The following DYRK1A variants were observed in gnomAD, a reference collection of about 807,000 sequenced individuals.
DYRK1A encodes the protein dual specificity tyrosine-phosphorylation-regulated kinase 1A.
A neutral mutation model predicts 79.7 loss-of-function variants in DYRK1A; 9 were observed. That is an observed-to-expected ratio of 0.11 (90% CI 0.07 to 0.20). The LOEUF is 0.20. DYRK1A is among the 10% of genes least tolerant of loss of function. The pLI, the probability that DYRK1A is intolerant of heterozygous loss-of-function variation, is 1.00. For synonymous variants in DYRK1A, 349 were observed against 329.7 expected (o/e 1.06, Z -0.63); for missense variants, 622 against 956.0 (o/e 0.65, Z 4.61).
rs2076059614 is a variant in DYRK1A, at chr21:37,367,155, G to C, written c.-550G>C. 2 of 152,290 alleles carry C rather than the reference G, an allele frequency of 1.3e-5. No individual in the cohort carries two copies. Among genetic ancestry groups the C allele is most frequent in the Admixed American group, 1.3e-4 (2 of 15,306 alleles). The allele number at this position is 152,290 out of a possible 1,614,324, so 9.4% of individuals were successfully genotyped here. A position where few individuals can be genotyped will look rare whatever the true frequency, so the allele number is the denominator to read the frequency against. On this transcript the variant is annotated 5_prime_UTR_variant, in exon 1 of 12. Transcript: ENST00000647188. ...GGTGTGTGCGAGTGTCTGTCTGTCT[G>C]TGCGGGGACTCGGGGGCGGGCGGTT...
rs984731875 is a variant in DYRK1A at position 37,517,479 on chromosome 21, A to G, written c.*4948A>G. On this transcript the variant is annotated 3_prime_UTR_variant, in exon 12 of 12. Coordinates refer to ENST00000647188, the MANE Select transcript of DYRK1A (RefSeq NM_001347721.2). ...TGGGAATTTTTTTCTTTATTCTTGT[A>G]AAGTTTTGCTTCCATTATATACTCA... 6.6e-6 allele frequency: 1 copy of G among 152,166 alleles called. No individual in the cohort carries two copies. The highest frequency in any genetic ancestry group is 1.9e-4 in the East Asian group (1 of 5,198). 9.4% of individuals were successfully genotyped at this position (152,166 alleles called of 1,614,324 possible).
intron 8 of DYRK1A, among the ~76,000 whole-genome samples, chr21:37,493,933 C>CTTTTTT (rs35158368): frequency 5.3e-5 from 6 of 114,220 alleles, no homozygotes; most frequent in African/African-American, 1.3e-4. Context: ...TTTAATTCTT[C>CTTTTTT]TTTTTTTTTT....
Position 37,505,465 on chromosome 21 carries a change from G to C in DYRK1A, c.1395G>C (p.Leu465=). 1 of 1,614,166 alleles carries C rather than the reference G, an allele frequency of 6.2e-7. No individual in the cohort carries two copies. The highest frequency in any genetic ancestry group is 2.2e-5 in the East Asian group (1 of 44,882). The change falls in exon 10 of 12, where the codon CTG becomes CTC. Residue 465 remains leucine, a synonymous_variant. Transcript: ENST00000647188. ...PKTRIQPYYA[L]QHSFFKKTAD... is the part of the protein sequence containing the mutation. ...CTCGAATTCAACCTTATTATGCTCT[G>C]CAGCACAGTTTCTTCAAGAAAACAG...
intron 11 of DYRK1A, among the ~76,000 whole-genome samples, chr21:37,507,103 C>T (rs141432729): frequency 1.3e-5 from 2 of 152,298 alleles, no homozygotes; most frequent in East Asian, 3.9e-4. Context: ...CCACTCTTTG[C>T]TTTGTAAGGA....
At chr21:37,454,093 T>TTTTTTTTTTTTTC in intron 2 of DYRK1A, among the ~76,000 whole-genome samples, 1 of 134,644 alleles carries the variant, frequency 7.4e-6, no homozygotes, top group Non-Finnish European at 1.6e-5. Context: ...TCCTTTTTTT[T>TTTTTTTTTTTTTC]TTTTTTTTTT....
intron 2 of DYRK1A, among the ~76,000 whole-genome samples, chr21:37,458,304 G>GTGTGTATGTGTA (rs1366699533): frequency 6.6e-6 from 1 of 150,672 alleles, no homozygotes; most frequent in Non-Finnish European, 1.5e-5. Flanking sequence ...GTGTGTGTGT[G>GTGTGTATGTGTA]TGTACATATA....
chr21:37,487,849 T>C (rs993660497), intron 6 of DYRK1A: 1 of 152,168 alleles, frequency 6.6e-6, no homozygotes, highest in African/African-American at 2.4e-5. Context: ...CTTAAAACCT[T>C]GTCACACACA....
intron 1 of DYRK1A, among the ~76,000 whole-genome samples, chr21:37,418,461 G>T (rs2050401197): frequency 6.6e-6 from 1 of 152,100 alleles, no homozygotes; most frequent in African/African-American, 2.4e-5. Context: ...GTCTTACAAA[G>T]AACTTTTGTG....
At chr21:37,487,263 A>C (rs746729739) in intron 6 of DYRK1A, 3 of 152,148 alleles carry the variant, frequency 2.0e-5, no homozygotes, top group Non-Finnish European at 4.4e-5. Context: ...CTCTGCAGCT[A>C]AGATTGGAAG....
intron 2 of DYRK1A, chr21:37,425,806 A>T (rs1367638903): frequency 6.6e-6 from 1 of 152,226 alleles, no homozygotes; most frequent in African/African-American, 2.4e-5. Context: ...GTGAATGTTG[A>T]TAGCAAGACC....
rs544474902 is a variant in DYRK1A, at chr21:37,492,716, G to GT, written c.925-291dup. 8.6e-4 allele frequency among the ~76,000 whole-genome samples: 128 copies of GT among 149,094 alleles called. 1 individual carries two copies. In the East Asian group the frequency reaches 0.017, roughly 20 times the overall value. ...AGGGAAATACATTGCTTTCAATAGT[G>GT]TTTTTTTTTTCCTAGTGAGGCATAA... is the stretch of plus-strand genomic sequence containing the variant. On this transcript the variant is annotated intron_variant, in intron 7 of 11. Transcript: ENST00000647188.
At chr21:37,456,192 AG>A (rs1416580209) in intron 2 of DYRK1A, 3 of 152,486 alleles carry the variant, frequency 2.0e-5, no homozygotes, top group African/African-American at 7.2e-5. Context: ...GCAGAGCAGT[AG>A]GGGAATCATG....
rs1207759559 is a variant in DYRK1A, at chr21:37,525,278, C to T, written c.*12747C>T. On this transcript the variant is annotated 3_prime_UTR_variant, in exon 12 of 12. Transcript: ENST00000647188. ...AAGAGGTTTAATGGACTCACAGTCC[C>T]GCATGGTTGGGGAGGCCTCACAATC... is the stretch of plus-strand genomic sequence containing the variant. The T allele has an allele frequency of 3.9e-5, 6 of 152,232 alleles. No individual in the cohort carries two copies. Among genetic ancestry groups the T allele is most frequent in the Non-Finnish European group, 5.9e-5 (4 of 68,100 alleles). The allele number at this position is 152,232 out of a possible 1,614,324, so 9.4% of individuals were successfully genotyped here. A position where few individuals can be genotyped will look rare whatever the true frequency, so the allele number is the denominator to read the frequency against.
At position 37,525,063 on chromosome 21, in the gene DYRK1A, T is replaced by G. The variant is rs758163442; in HGVS notation, c.*12532T>G. The G allele has an allele frequency of 6.6e-6, 1 of 152,242 alleles. No homozygotes were observed. The highest frequency in any genetic ancestry group is 1.5e-5 in the Non-Finnish European group (1 of 68,064). The allele number at this position is 152,242 out of a possible 1,614,324, so 9.4% of individuals were successfully genotyped here. A position where few individuals can be genotyped will look rare whatever the true frequency, so the allele number is the denominator to read the frequency against. On this transcript the variant is annotated 3_prime_UTR_variant, in exon 12 of 12. Coordinates refer to ENST00000647188, the MANE Select transcript of DYRK1A (RefSeq NM_001347721.2). ...GCAGTGAGCTGAGATTGCACCACTG[T>G]ACTCCAGCCTGGATGACAGAGTGAG...
chr21:37,503,949 G>A (rs891924449), intron 9 of DYRK1A: 1 of 151,980 alleles, frequency 6.6e-6, no homozygotes, highest in African/African-American at 2.4e-5. Flanking sequence ...TTTAAAAAAT[G>A]TTTGTAATTT....
At chr21:37,493,375 T>C (rs536749409) in intron 8 of DYRK1A, among the ~76,000 whole-genome samples, 2 of 152,334 alleles carry the variant, frequency 1.3e-5, no homozygotes, top group South Asian at 2.1e-4. Flanking sequence ...AATCTACTCA[T>C]GAAGGAGAAC....
At chr21:37,489,617 G>T (rs1461278579) in intron 6 of DYRK1A, among the ~76,000 whole-genome samples, 2 of 145,808 alleles carry the variant, frequency 1.4e-5, no homozygotes, top group African/African-American at 2.5e-5. Context: ...GACATTTGTT[G>T]TATTTGCCTA....
chr21:37,405,953 C>T (rs1051988350), intron 1 of DYRK1A, among the ~76,000 whole-genome samples: 8 of 151,026 alleles, frequency 5.3e-5, no homozygotes, highest in Admixed American at 2.6e-4. Flanking sequence ...TATCAATAGG[C>T]GTAAATAAGT....
At chr21:37,498,338 C>A (rs943983532) in intron 9 of DYRK1A, among the ~76,000 whole-genome samples, 1 of 152,146 alleles carries the variant, frequency 6.6e-6, no homozygotes, top group Non-Finnish European at 1.5e-5. Context: ...TTCTATCATT[C>A]CAAATCCTCT....
Sources: gnomAD v4.1 joint callset for allele counts (sites outside exome capture counted in the v4.1 genomes callset) on GRCh38, gnomAD v4.1.1 for gene constraint, MANE v1.5 for transcripts, NCBI Gene and HGNC (gene_info 2026-07-23, HGNC 2026-07-21) for gene names.